The following BBS2 variants were observed in gnomAD, a reference collection of about 807,000 sequenced individuals.
The protein encoded by BBS2 is BBSome complex member BBS2.
Under a neutral mutation model 83.0 loss-of-function variants are expected in BBS2, and 62 were observed. The ratio of observed to expected loss-of-function variants is 0.75; its 90% confidence interval spans 0.61 to 0.92. The LOEUF (loss-of-function observed/expected upper bound fraction) is 0.92. Ranked by LOEUF, BBS2 falls within the 40% of genes least tolerant of loss-of-function variation. The pLI, the probability that BBS2 is intolerant of heterozygous loss-of-function variation, is 0.00. For missense variants in BBS2, 784 were observed against 901.0 expected, an observed-to-expected ratio of 0.87 and a Z score of 1.66; for synonymous variants, 303 against 326.1, an observed-to-expected ratio of 0.93 and a Z score of 0.76.
At chr16:56,492,679 A>G (rs1166576588) in intron 15 of BBS2, among the ~76,000 whole-genome samples, 1 of 152,230 alleles carries the variant, frequency 6.6e-6, no homozygotes, top group African/African-American at 2.4e-5. Context: ...TTTAAAAAAT[A>G]AAAATTAAAA....
intron 11 of BBS2, chr16:56,500,245 C>G (rs1381595704): frequency 3.7e-6 from 1 of 272,298 alleles, no homozygotes; most frequent in Non-Finnish European, 7.1e-6. Flanking sequence ...CATCCTAACT[C>G]TTGTAGTTTT....
Position 56,500,870 on chromosome 16 carries a change from C to G in BBS2, c.1381G>C (p.Val461Leu), listed in dbSNP as rs377000980. 6.2e-7 allele frequency: 1 copy of G among 1,614,040 alleles called. No individual in the cohort carries two copies. The highest frequency in any genetic ancestry group is 1.7e-5 in the Admixed American group (1 of 60,014). ...AAGGGTCACCTGCTTCTGTAACCCACGAATGCCTTCAAGTGCAGATCCACA... is the reference window on the plus strand; with the variant it reads ...AAGGGTCACCTGCTTCTGTAACCCAGGAATGCCTTCAAGTGCAGATCCACA... ...VPVDLHLKAF[V>L]GYRSSTQFHV... is the part of the protein sequence containing the mutation. Residue 461 changes from valine (V) to leucine (L), a missense_variant, in exon 11 of 17, where the codon GTG (valine) becomes CTG (leucine). Transcript: ENST00000245157.
intron 15 of BBS2, among the ~76,000 whole-genome samples, chr16:56,488,906 G>C (rs1423904398): frequency 6.6e-6 from 1 of 152,132 alleles, no homozygotes; most frequent in East Asian, 1.9e-4. Context: ...CAGGAAACAG[G>C]GTTGAAGATC....
chr16:56,511,554 G>A (rs1219668973), intron 2 of BBS2, among the ~76,000 whole-genome samples: 2 of 152,086 alleles, frequency 1.3e-5, no homozygotes, highest in African/African-American at 4.8e-5. Context: ...AAGGAAGAAG[G>A]GATTCTACCA....
At chr16:56,473,831 G>A (rs1963318500) in intron 17 of BBS2, among the ~76,000 whole-genome samples, 1 of 151,262 alleles carries the variant, frequency 6.6e-6, no homozygotes. Context: ...TTTTGAGGTG[G>A]ACTCTCGCTC....
chr16:56,492,954 T>TA (rs200879662), intron 15 of BBS2, among the ~76,000 whole-genome samples: 52 of 150,490 alleles, frequency 3.5e-4, no homozygotes, highest in Non-Finnish European at 7.3e-4. Context: ...TTATCTACAG[T>TA]AAAAAAAAAA....
At chr16:56,477,166 A>C (rs956912997) in intron 17 of BBS2, 10 of 152,116 alleles carry the variant, frequency 6.6e-5, no homozygotes, top group African/African-American at 2.4e-4. Flanking sequence ...AAGTGATTGC[A>C]GAATTTTGTT....
intron 5 of BBS2, among the ~76,000 whole-genome samples, chr16:56,508,680 C>G (rs201602648): frequency 0.15 from 3 of 20 alleles, no homozygotes; most frequent in Non-Finnish European, 0.25. Flanking sequence ...GTCTTGTTCT[C>G]GTTGCCCCTG....
downstream of BBS2, among the ~76,000 whole-genome samples, chr16:56,480,043 A>C (rs897695256): frequency 6.6e-6 from 1 of 152,174 alleles, no homozygotes; most frequent in African/African-American, 2.4e-5. Flanking sequence ...CTTCTTCTTT[A>C]TATGTTAACC....
At chr16:56,517,904 C>A (rs759784854) in intron 1 of BBS2, among the ~76,000 whole-genome samples, 10 of 151,840 alleles carry the variant, frequency 6.6e-5, no homozygotes, top group Non-Finnish European at 1.2e-4. Context: ...CCTGCAACCT[C>A]CACCTCCTAG....
Position 56,500,625 on chromosome 16 carries a change from A to C in BBS2, c.1397+229T>G, listed in dbSNP as rs2069392515. The C allele has an allele frequency of 3.0e-5, 4 of 132,056 alleles. No homozygotes were observed. In the Admixed American group the frequency reaches 3.1e-4, roughly 10 times the overall value. 8.2% of individuals were successfully genotyped at this position (132,056 alleles called of 1,614,324 possible). ...GGGTGACAAAGCTAGAATCTGTCTC[A>C]AAAAAAAAAAAAAAAAAAGAACCAT... On this transcript the variant is annotated intron_variant, in intron 11 of 16. Coordinates refer to ENST00000245157, the MANE Select transcript of BBS2 (RefSeq NM_031885.5).
Position 56,500,992 on chromosome 16 carries a change from T to C in BBS2, c.1259A>G (p.Glu420Gly). 1.2e-6 allele frequency: 2 copies of C among 1,614,164 alleles called. No individual in the cohort carries two copies. The highest frequency in any genetic ancestry group is 1.1e-5 in the South Asian group (1 of 91,082). ...TIIRAVLIFA[E>G]GIFTGESHVV... ...GTGGCTTTCACCTGTAAAAATTCCT[T>C]CTGCAAAAATCAATACTGCTCGGAT... The change falls in exon 11 of 17, where the codon GAA becomes GGA. Residue 420 changes from glutamate to glycine, a missense_variant. Transcript: ENST00000245157.
At chr16:56,475,524 G>A in intron 17 of BBS2, 4 of 1,614,048 alleles carry the variant, frequency 2.5e-6, no homozygotes, top group Non-Finnish European at 3.4e-6. Context: ...GCCAGAATAT[G>A]GCGGTTTTAC....
chr16:56,494,998 A>G (rs191513364), intron 15 of BBS2, among the ~76,000 whole-genome samples: 5 of 152,176 alleles, frequency 3.3e-5, no homozygotes, highest in East Asian at 1.9e-4. Flanking sequence ...AAAATTAATA[A>G]TAACAGATAT....
intron 1 of BBS2, among the ~76,000 whole-genome samples, chr16:56,519,275 G>A (rs953735449): frequency 1.4e-5 from 2 of 147,420 alleles, no homozygotes; most frequent in African/African-American, 2.5e-5. Flanking sequence ...AGGCTGCAGC[G>A]ACCCGAGATT....
chr16:56,497,964 T>C, intron 13 of BBS2, 84 bp from the exon 14 acceptor site: 1 of 1,429,314 alleles, frequency 7.0e-7, no homozygotes, highest in Non-Finnish European at 9.7e-7. Flanking sequence ...TTCCCCATAC[T>C]CAACAAAATT....
chr16:56,514,073 C>T (rs1437293849), intron 2 of BBS2, among the ~76,000 whole-genome samples: 2 of 152,164 alleles, frequency 1.3e-5, no homozygotes, highest in Non-Finnish European at 2.9e-5. Context: ...ATTAAAGTTG[C>T]AGCAGCCTGT....
In BBS2 at chr16:56,519,727, T is replaced by G. The variant is rs945280815; in HGVS notation, c.117+19A>C. On this transcript the variant is annotated intron_variant, in intron 1 of 16. Transcript: ENST00000245157. ...GTGGTTCCCTGGGGCCCGGGCTCCC[T>G]GCGGGTGGGAGCGGTTACCTTGCCC... The G allele has an allele frequency of 6.3e-7, 1 of 1,589,872 alleles. No homozygotes were observed. Among genetic ancestry groups the G allele is most frequent in the Non-Finnish European group, 8.6e-7 (1 of 1,159,864 alleles).
chr16:56,496,842 A>C, intron 15 of BBS2, 125 bp downstream of exon 15: 1 of 789,028 alleles, frequency 1.3e-6, no homozygotes, highest in South Asian at 1.4e-5. Context: ...TTTACTGATA[A>C]TGCCAAGTTA....
Sources: gnomAD v4.1 joint callset for allele counts (sites outside exome capture counted in the v4.1 genomes callset) on GRCh38, gnomAD v4.1.1 for gene constraint, MANE v1.5 for transcripts, NCBI Gene and HGNC (gene_info 2026-07-23, HGNC 2026-07-21) for gene names.